Variants in TPST2 observed in about 807,000 individuals in gnomAD.
TPST2 encodes tyrosylprotein sulfotransferase 2, also known as protein-tyrosine sulfotransferase 2.
In TPST2, 16 loss-of-function variants were observed where a neutral mutation model predicts 27.8. The ratio of observed to expected loss-of-function variants is 0.58; its 90% CI spans 0.39 to 0.88. TPST2 has a LOEUF of 0.88. Among genes scored for constraint, TPST2 ranks in the 40% least tolerant of loss-of-function variants. TPST2 has a pLI of 0.00. For synonymous variants in TPST2, 229 were observed against 231.7 expected (o/e 0.99, Z 0.10); for missense variants, 464 against 543.1 (o/e 0.85, Z 1.45).
At chr22:26,545,238 A>G (rs1375602437) in intron 1 of TPST2, among the ~76,000 whole-genome samples, 1 of 152,244 alleles carries the variant, frequency 6.6e-6, no homozygotes, top group Admixed American at 6.5e-5. Context: ...TTAAACCCCA[A>G]TAAAAGGAAA....
intron 1 of TPST2, among the ~76,000 whole-genome samples, chr22:26,566,687 G>A (rs940539034): frequency 2.6e-5 from 4 of 152,186 alleles, no homozygotes; most frequent in African/African-American, 9.7e-5. Context: ...AGGAGGCGGA[G>A]TTTGCAGTGA....
At chr22:26,572,704 C>T (rs1927677845) in intron 1 of TPST2, among the ~76,000 whole-genome samples, 4 of 152,134 alleles carry the variant, frequency 2.6e-5, no homozygotes, top group South Asian at 4.1e-4. Flanking sequence ...ATGGTAAATG[C>T]TGTTTGCCCT....
chr22:26,546,414 C>T (rs1602268456), intron 1 of TPST2, among the ~76,000 whole-genome samples: 3 of 152,350 alleles, frequency 2.0e-5, no homozygotes, highest in Middle Eastern at 6.8e-3. Context: ...CAATTAGGAA[C>T]CAGGCACTTG....
chr22:26,528,487 C>G (rs1924966270), intron 5 of TPST2, among the ~76,000 whole-genome samples: 1 of 152,180 alleles, frequency 6.6e-6, no homozygotes, highest in Admixed American at 6.5e-5. Context: ...GCCTACTGAA[C>G]ACGCACAGAT....
At chr22:26,535,729 T>G (rs542788198) in intron 4 of TPST2, among the ~76,000 whole-genome samples, 1 of 152,358 alleles carries the variant, frequency 6.6e-6, no homozygotes, top group Admixed American at 6.5e-5. Flanking sequence ...TAGCTATGAC[T>G]GCACCAGTGC....
intron 1 of TPST2, chr22:26,560,763 C>T: frequency 8.4e-7 from 1 of 1,187,306 alleles, no homozygotes; most frequent in Admixed American, 1.7e-5. Context: ...AACCTATATC[C>T]CTCCCAAAGG....
At chr22:26,537,055 CA>C (rs35028987) in intron 3 of TPST2, among the ~76,000 whole-genome samples, 6 of 145,440 alleles carry the variant, frequency 4.1e-5, no homozygotes, top group Non-Finnish European at 3.0e-5. Context: ...GACCCTGTCT[CA>C]AAAAAAAAAG....
At chr22:26,570,059 GA>G (rs1569193984) in intron 1 of TPST2, among the ~76,000 whole-genome samples, 6 of 145,970 alleles carry the variant, frequency 4.1e-5, no homozygotes, top group African/African-American at 1.0e-4. Flanking sequence ...AAGAAAGAAA[GA>G]AAGAAGGAAA....
chr22:26,569,991 A>AAAAGAAAGAAAGAAAGAAAGAAAGAAAG (rs770577530), intron 1 of TPST2, among the ~76,000 whole-genome samples: 1 of 19,876 alleles, frequency 5.0e-5, no homozygotes, highest in Non-Finnish European at 8.0e-5. Flanking sequence ...AAAAGAAAGA[A>AAAAGAAAGAAAGAAAGAAAGAAAGAAAG]AAAGAAAGAA....
At chr22:26,579,926 AG>A (rs2147240319) in intron 1 of TPST2, among the ~76,000 whole-genome samples, 1 of 151,838 alleles carries the variant, frequency 6.6e-6, no homozygotes, top group East Asian at 1.9e-4. Context: ...GGTGGGAGGG[AG>A]AGAGAGGCAG....
chr22:26,583,416 G>T (rs1284047957), intron 1 of TPST2, among the ~76,000 whole-genome samples: 2 of 115,624 alleles, frequency 1.7e-5, no homozygotes, highest in Non-Finnish European at 3.4e-5. Flanking sequence ...CAGCCTGGGC[G>T]ACAGAAGGAA....
Position 26,541,397 on chromosome 22 carries a change from G to A in TPST2, c.234C>T (p.Arg78=). The A allele has an allele frequency of 6.4e-7, 1 of 1,561,500 alleles. No homozygotes were observed. Among genetic ancestry groups the A allele is most frequent in the Non-Finnish European group, 8.7e-7 (1 of 1,153,132 alleles). ...MPLIFVGGVP[R]SGTTLMRAML... ...TGGCGCGCATCAACGTGGTGCCACT[G>A]CGAGGCACGCCACCCACGAAGATGA... Residue 78 remains arginine, a synonymous_variant, in exon 3 of 7, where the codon CGC becomes CGT. Transcript: ENST00000338754. The surrounding 1 kb of genome is among the most constrained non-coding windows in gnomAD (Gnocchi z 5.9).
intron 1 of TPST2, among the ~76,000 whole-genome samples, chr22:26,568,781 G>A (rs1927475372): frequency 6.6e-6 from 1 of 152,132 alleles, no homozygotes; most frequent in Admixed American, 6.5e-5. Context: ...TCCTCTGGGA[G>A]GCTCTGTCTA....
rs745883539 is a variant in TPST2 at position 26,540,920 on chromosome 22, G to C, written c.711C>G (p.Tyr237Ter). ...EVGKEKCLPV[Y>*]YEQLVLHPRR... The stretch of plus-strand genomic sequence containing the variant: ...TGGGGTGCAGCACCAGCTGCTCGTA[G>C]TACACAGGCAGGCACTTCTCCTTGC... Residue 237 changes from tyrosine (Y) to a stop codon, truncating the protein, a stop_gained, in exon 3 of 7, where the codon TAC becomes TAG. Coordinates refer to ENST00000338754, the MANE Select transcript of TPST2 (RefSeq NM_003595.5). LOFTEE classifies it high-confidence loss of function. The C allele has an allele frequency of 1.2e-6, 2 of 1,614,088 alleles. No homozygotes were observed. The highest frequency in any genetic ancestry group is 1.7e-6 in the Non-Finnish European group (2 of 1,180,030).
chr22:26,572,957 C>T (rs1394205658), intron 1 of TPST2, among the ~76,000 whole-genome samples: 1 of 152,136 alleles, frequency 6.6e-6, no homozygotes, highest in East Asian at 1.9e-4. Flanking sequence ...GAATTCCCCA[C>T]CTATTAGTTT....
At chr22:26,538,925 C>T (rs1298440330) in intron 3 of TPST2, among the ~76,000 whole-genome samples, 2 of 152,214 alleles carry the variant, frequency 1.3e-5, no homozygotes, top group Non-Finnish European at 1.5e-5. Context: ...GAGTATGTTT[C>T]GTTGGACTCC....
At chr22:26,532,087 T>A (rs923057365) in intron 5 of TPST2, among the ~76,000 whole-genome samples, 21 of 152,060 alleles carry the variant, frequency 1.4e-4, no homozygotes, top group African/African-American at 5.1e-4. Flanking sequence ...TGAGCCATGA[T>A]CACACCACTG....
At chr22:26,559,597 G>A (rs757063171) in intron 1 of TPST2, among the ~76,000 whole-genome samples, 30 of 152,142 alleles carry the variant, frequency 2.0e-4, no homozygotes, top group Non-Finnish European at 2.2e-4. Context: ...TCTACTTTCC[G>A]TCTCTATGAG....
At chr22:26,535,462 G>T (rs1487587102) in intron 4 of TPST2, among the ~76,000 whole-genome samples, 2 of 152,314 alleles carry the variant, frequency 1.3e-5, no homozygotes, top group South Asian at 2.1e-4. Context: ...TACCCAGTGG[G>T]TGTTAGCCTA....
Sources: allele counts gnomAD v4.1 joint callset (sites outside exome capture counted in the v4.1 genomes callset), GRCh38; gene constraint gnomAD v4.1.1; non-coding constraint Gnocchi (gnomAD v3.1); transcripts MANE v1.5; gene names NCBI Gene and HGNC (gene_info 2026-07-23, HGNC 2026-07-21).